The following CLHC1 variants were observed in gnomAD, a reference collection of about 807,000 sequenced individuals.
The protein encoded by CLHC1 is clathrin heavy chain linker domain-containing protein 1.
Under a neutral mutation model 69.5 loss-of-function variants are expected in CLHC1, and 72 were observed. The observed-to-expected ratio is 1.04, with a 90% CI of 0.86 to 1.26. The LOEUF (loss-of-function observed/expected upper bound fraction) is 1.26. Ranked by LOEUF, CLHC1 falls within the 50% of genes most tolerant of loss-of-function variation. CLHC1 has a pLI of 0.00. For synonymous variants in CLHC1, 223 were observed against 224.3 expected, an observed-to-expected ratio of 0.99 and a Z score of 0.05; for missense variants, 790 against 679.3, an observed-to-expected ratio of 1.16 and a Z score of -1.81.
chr2:55,224,588 A>G (rs1674508092), intron 2 of CLHC1: 3 of 259,094 alleles, frequency 1.2e-5, no homozygotes, highest in Non-Finnish European at 2.4e-5. Context: ...TCAACAGCCA[A>G]GGGGGATGAG....
chr2:55,225,963 C>G (rs6758504), intron 2 of CLHC1: 1 of 151,904 alleles, frequency 6.6e-6, no homozygotes, highest in African/African-American at 2.4e-5. Flanking sequence ...GAGGCCGAGG[C>G]GGGCGGTTCA....
intron 9 of CLHC1, among the ~76,000 whole-genome samples, chr2:55,184,426 A>G (rs1051364534): frequency 1.3e-5 from 2 of 152,086 alleles, no homozygotes; most frequent in African/African-American, 4.8e-5. Context: ...TTTTCAAGTA[A>G]TAAAACTGAG....
At chr2:55,203,759 C>A (rs151317067) in intron 9 of CLHC1, among the ~76,000 whole-genome samples, 62 of 152,184 alleles carry the variant, frequency 4.1e-4, no homozygotes, top group African/African-American at 1.5e-3. Flanking sequence ...GCAAAAATTT[C>A]TTGCATAATA....
chr2:55,204,444 T>C (rs1282218974), intron 9 of CLHC1, among the ~76,000 whole-genome samples: 1 of 152,190 alleles, frequency 6.6e-6, no homozygotes, highest in Non-Finnish European at 1.5e-5. Context: ...ACAGTAGCTT[T>C]TATCCAAGAG....
rs527823553 is a variant in CLHC1 at position 55,207,199 on chromosome 2, G to A, written c.900-823C>T. 2.2e-4 allele frequency among the ~76,000 whole-genome samples: 34 copies of A among 152,140 alleles called. No individual in the cohort carries two copies. In the East Asian group the frequency reaches 6.4e-3, roughly 29 times the overall value. On this transcript the variant is annotated intron_variant, in intron 8 of 12. Transcript: ENST00000401408. ...GCCTATGTTGTTCTGCCAGGCAACA[G>A]GTTCCCAATCGAAGATTAGCACAAG...
chr2:55,175,874 C>T lies in CLHC1; in HGVS notation c.1677G>A (p.Thr559=), dbSNP rs149738644. The part of the protein sequence containing the change: ...NGFDKLSNDI[T]SILRSQAAVT... ...CTGCAGCCTGAGATCGAAGAATAGA[C>T]GTGATGTCATTAGATAATTTGTCAA... The change falls in exon 13 of 13, where the codon ACG becomes ACA. Residue 559 remains threonine, a synonymous_variant. Transcript: ENST00000401408. 748 of 1,613,954 alleles carry T rather than the reference C, an allele frequency of 4.6e-4. 1 individual carries two copies. The highest frequency in any genetic ancestry group is 7.3e-4 in the Admixed American group (44 of 60,010).
chr2:55,178,685 T>C (rs1669636718), intron 11 of CLHC1, among the ~76,000 whole-genome samples: 1 of 152,016 alleles, frequency 6.6e-6, no homozygotes, highest in Admixed American at 6.6e-5. Context: ...ACTTCCTAAA[T>C]ATTTTAAAGT....
chr2:55,224,630 C>T (rs900817391), intron 2 of CLHC1: 42 of 250,758 alleles, frequency 1.7e-4, no homozygotes, highest in Admixed American at 5.4e-4. Flanking sequence ...CCCCGCAGTG[C>T]GGCGTTGGGA....
At position 55,180,620 on chromosome 2, in the gene CLHC1, A is replaced by T; in HGVS notation, c.1274T>A (p.Ile425Asn). 1 of 1,614,040 alleles carries T rather than the reference A, an allele frequency of 6.2e-7. No individual in the cohort carries two copies. Among genetic ancestry groups the T allele is most frequent in the Non-Finnish European group, 8.5e-7 (1 of 1,179,904 alleles). Reference protein sequence around the residue: ...NKAKCLALAQIVYSECGLHKK... With the variant: ...NKAKCLALAQNVYSECGLHKK... ...GTGCAGGCCACATTCACTGTAGACA[A>T]TCTGAGCTAAAGCCAGGCACTTGGC... The change falls in exon 11 of 13, where the codon ATT (isoleucine) becomes AAT (asparagine). Residue 425 changes from isoleucine to asparagine, a missense_variant. By Grantham distance (149) the Ile-to-Asn change is moderately radical (BLOSUM62 -3). Transcript: ENST00000401408.
In CLHC1 at chr2:55,229,574, G is replaced by A. The variant is rs779806774; in HGVS notation, c.-255-1370C>T. 1.1e-3 allele frequency among the ~76,000 whole-genome samples: 172 copies of A among 152,170 alleles called. 1 individual carries two copies. The highest frequency in any genetic ancestry group is 6.9e-4 in the Non-Finnish European group (47 of 68,010). Reference sequence around the variant, plus strand: ...TGAGGGCAGAACTACTATCAGCCTAGGGGGTACCTTTGTGCGGTTTAGAAA... The same window carrying A: ...TGAGGGCAGAACTACTATCAGCCTAAGGGGTACCTTTGTGCGGTTTAGAAA... On this transcript the variant is annotated intron_variant, in intron 1 of 12. Transcript: ENST00000401408.
intron 1 of CLHC1, chr2:55,231,938 G>C (rs186984087): frequency 1.3e-5 from 2 of 152,270 alleles, no homozygotes; most frequent in East Asian, 3.9e-4. Flanking sequence ...GGAGAGACTC[G>C]GCGGTTGAAA....
intron 4 of CLHC1, among the ~76,000 whole-genome samples, chr2:55,217,542 AAAAAAAAAAAATATATAT>A (rs1371544595): frequency 1.9e-4 from 16 of 83,560 alleles, no homozygotes; most frequent in African/African-American, 9.6e-4. Context: ...AAAAAAAAAA[AAAAAAAAAAAATATATAT>A]ATATATATAT....
chr2:55,198,893 C>G (rs188966140), intron 9 of CLHC1, among the ~76,000 whole-genome samples: 47 of 152,166 alleles, frequency 3.1e-4, no homozygotes, highest in Non-Finnish European at 6.3e-4. Flanking sequence ...AACATTTACC[C>G]TAGAATAATA....
In CLHC1 at chr2:55,208,668, C is replaced by G. The variant is rs755855981; in HGVS notation, c.857G>C (p.Arg286Pro). 14 of 1,612,234 alleles carry G rather than the reference C, an allele frequency of 8.7e-6. No individual in the cohort carries two copies. Among genetic ancestry groups the G allele is most frequent in the Non-Finnish European group, 1.2e-5 (14 of 1,178,636 alleles). Reference sequence around the variant, plus strand: ...CATAATTTCAGCTTCTTTTGCCCTGCGTGGATCATCTTCCATTAGTTCTTC... The same window carrying G: ...CATAATTTCAGCTTCTTTTGCCCTGGGTGGATCATCTTCCATTAGTTCTTC... ...IVEELMEDDP[R>P]RAKEAEIMLH... Residue 286 changes from arginine to proline, a missense_variant, in exon 8 of 13, where the codon CGC becomes CCC. Transcript: ENST00000401408.
intron 9 of CLHC1, among the ~76,000 whole-genome samples, chr2:55,184,982 A>G (rs1484571662): frequency 2.0e-5 from 3 of 150,668 alleles, no homozygotes; most frequent in African/African-American, 4.9e-5. Flanking sequence ...TATACCTACT[A>G]TAGATTAACA....
At chr2:55,218,667 C>G (rs367972342) in intron 3 of CLHC1, 68 of 152,194 alleles carry the variant, frequency 4.5e-4, no homozygotes, top group African/African-American at 1.6e-3. Flanking sequence ...TGTACAATCT[C>G]CTTTACTGGT....
At chr2:55,177,327 T>C (rs1669485144) in intron 12 of CLHC1, among the ~76,000 whole-genome samples, 2 of 152,230 alleles carry the variant, frequency 1.3e-5, no homozygotes, top group South Asian at 2.1e-4. Flanking sequence ...TATGTCAATA[T>C]ATACAAAGTT....
At chr2:55,187,921 T>C (rs1177877309) in intron 9 of CLHC1, among the ~76,000 whole-genome samples, 1 of 152,120 alleles carries the variant, frequency 6.6e-6, no homozygotes, top group Non-Finnish European at 1.5e-5. Context: ...TTATAATACA[T>C]AAGTAACTCC....
At chr2:55,178,568 T>C (rs1408266873) in intron 11 of CLHC1, among the ~76,000 whole-genome samples, 2 of 152,162 alleles carry the variant, frequency 1.3e-5, no homozygotes, top group Non-Finnish European at 2.9e-5. Flanking sequence ...TTGTGTACTG[T>C]ATCCTCAAAC....
Sources: gnomAD v4.1 joint callset for allele counts (sites outside exome capture counted in the v4.1 genomes callset) on GRCh38, gnomAD v4.1.1 for gene constraint, MANE v1.5 for transcripts, NCBI Gene and HGNC (gene_info 2026-07-23, HGNC 2026-07-21) for gene names.